PINLYP: variants seen among roughly 807,000 people sequenced by gnomAD.
PINLYP encodes the protein phospholipase A2 inhibitor and LY6/PLAUR domain containing.
In PINLYP, 12 loss-of-function variants were observed where a neutral mutation model predicts 15.8. That is an observed-to-expected ratio of 0.76 (90% confidence interval 0.49 to 1.23). The LOEUF is 1.23. Among genes scored for constraint, PINLYP ranks in the 50% most tolerant of loss-of-function variants. The pLI is 0.00. For synonymous variants in PINLYP, 93 were observed against 97.7 expected (o/e 0.95, Z 0.28); for missense variants, 278 against 264.2 (o/e 1.05, Z -0.36).
At chr19:43,581,118 T>C (rs1972925895) in intron 3 of PINLYP, 94 bp from the exon 4 acceptor site, 2 of 1,308,712 alleles carry the variant, frequency 1.5e-6, no homozygotes, top group African/African-American at 1.5e-5. Flanking sequence ...AGTTGTGGGG[T>C]TGGGGAGGCC....
chr19:43,580,495 T>C, intron 3 of PINLYP: 1 of 979,048 alleles, frequency 1.0e-6, no homozygotes, highest in Non-Finnish European at 1.2e-6. Context: ...TGGAAGAGAC[T>C]ACGGGGTGGG....
At chr19:43,581,124 A>G (rs916644405) in intron 3 of PINLYP, 88 bp from the exon 4 acceptor site, 2 of 1,338,656 alleles carry the variant, frequency 1.5e-6, no homozygotes, top group Non-Finnish European at 2.0e-6. Flanking sequence ...GGGGTTGGGG[A>G]GGCCTAGGGT....
chr19:43,581,561 A>C lies in PINLYP; in HGVS notation c.341-2A>C. On this transcript the variant is annotated splice_acceptor_variant, in intron 4 of 5. Coordinates refer to ENST00000599207, the Ensembl canonical transcript of PINLYP. LOFTEE classifies it high-confidence loss of function. ...CACCTTACACTTCATCCTCATCCTC[A>C]GTTCCCTTGACCAATCTTACTGAGA... 1 of 1,534,574 alleles carries C rather than the reference A, an allele frequency of 6.5e-7. No individual in the cohort carries two copies. Among genetic ancestry groups the C allele is most frequent in the Non-Finnish European group, 8.7e-7 (1 of 1,146,024 alleles).
chr19:43,577,391 G>A, intron 2 of PINLYP, 130 bp downstream of exon 2: 6 of 1,016,250 alleles, frequency 5.9e-6, no homozygotes, highest in Non-Finnish European at 8.2e-6. Context: ...AGGCATTCTG[G>A]AAATTCAGAT....
rs866038442 is a variant in PINLYP, at chr19:43,581,993, T to C, written c.607T>C (p.Ser203Pro). The C allele has an allele frequency of 4.6e-6, 7 of 1,535,970 alleles. No individual in the cohort carries two copies. In the African/African-American group the frequency reaches 6.9e-5, roughly 15 times the overall value. ...CCTCCATCATATAGAGTGCACTCACTCCCCCTGAAAAGCTATCTGAACAGA... is the reference window on the plus strand; with the variant it reads ...CCTCCATCATATAGAGTGCACTCACCCCCCCTGAAAAGCTATCTGAACAGA... The change falls in exon 6 of 6, where the codon TCC (serine) becomes CCC (proline). Residue 203 changes from serine (S) to proline (P), a missense_variant. Physicochemically the swap from Ser to Pro is moderately conservative, Grantham distance 74. Coordinates refer to ENST00000599207, the Ensembl canonical transcript of PINLYP.
chr19:43,578,617 C>T (rs981130512), exon 3 of PINLYP: 29 of 1,535,856 alleles, frequency 1.9e-5, no homozygotes, highest in Non-Finnish European at 2.5e-5. Context: ...GAAATATGTA[C>T]GGCGGCGGGG....
At chr19:43,576,738 C>T (rs1972869954) in exon 1 of PINLYP, 1 of 170,462 alleles carries the variant, frequency 5.9e-6, no homozygotes. Context: ...ACCCGCAGGA[C>T]CAGCCTGGAC....
intron 4 of PINLYP, 99 bp from the exon 5 acceptor site, chr19:43,581,464 A>G: frequency 6.6e-7 from 1 of 1,508,476 alleles, no homozygotes; most frequent in Non-Finnish European, 8.8e-7. Context: ...TGTAAAATGC[A>G]GTGTCTATTA....
intron 2 of PINLYP, among the ~76,000 whole-genome samples, 192 bp from the exon 3 acceptor site, chr19:43,578,398 C>A (rs2854495): frequency 0.16 from 24,569 of 152,184 alleles, 2,075 homozygotes; most frequent in Non-Finnish European, 0.19. Flanking sequence ...CTGGAAGCAG[C>A]TTTGCTGGCA....
exon 1 of PINLYP, among the ~76,000 whole-genome samples, chr19:43,576,204 C>A (rs1972860665): frequency 6.6e-6 from 1 of 152,128 alleles, no homozygotes; most frequent in Admixed American, 6.6e-5. Flanking sequence ...CAGGCGTGAG[C>A]GACTGCGCTG....
chr19:43,576,170 C>T (rs1448022072), exon 1 of PINLYP, among the ~76,000 whole-genome samples: 1 of 152,126 alleles, frequency 6.6e-6, no homozygotes, highest in Non-Finnish European at 1.5e-5. Context: ...CCACCTGCCT[C>T]GGCCTCTCAA....
intron 4 of PINLYP, 26 bp from the exon 5 acceptor site, chr19:43,581,537 A>G: frequency 6.5e-7 from 1 of 1,527,810 alleles, no homozygotes; most frequent in Non-Finnish European, 8.8e-7. Flanking sequence ...ATCCCTATTC[A>G]CCTTACACTT....
In PINLYP at chr19:43,577,109, C is replaced by T. The variant is rs1972874677; in HGVS notation, c.-77-6C>T. ...GGGTTCTGACCTCAGCTATTTCTCC[C>T]CGTAGGGTGAATGTGGGTCCAGACC... On this transcript the variant is annotated splice_polypyrimidine_tract_variant and splice_region_variant and intron_variant, in intron 1 of 5. Coordinates refer to ENST00000599207, the Ensembl canonical transcript of PINLYP. The T allele has an allele frequency of 6.5e-7, 1 of 1,535,168 alleles. No individual in the cohort carries two copies. The highest frequency in any genetic ancestry group is 2.0e-5 in the Admixed American group (1 of 50,924).
At chr19:43,576,536 A>G (rs552219517) in exon 1 of PINLYP, among the ~76,000 whole-genome samples, 3 of 152,086 alleles carry the variant, frequency 2.0e-5, no homozygotes, top group South Asian at 4.2e-4. Flanking sequence ...CAGTTTCCCA[A>G]TATGTGGACT....
Position 43,578,726 on chromosome 19 carries a change from G to C in PINLYP, c.187+20G>C. On this transcript the variant is annotated intron_variant, in intron 3 of 5. Coordinates refer to ENST00000599207, the Ensembl canonical transcript of PINLYP. ...CTTCAAGTAAGAGGATGTGGCCTGGGACCTGGTGGGGAGGTGGGGTGTACC... is the reference window on the plus strand; with the variant it reads ...CTTCAAGTAAGAGGATGTGGCCTGGCACCTGGTGGGGAGGTGGGGTGTACC... 6.6e-7 allele frequency: 1 copy of C among 1,521,822 alleles called. No homozygotes were observed. Among genetic ancestry groups the C allele is most frequent in the African/African-American group, 1.4e-5 (1 of 72,864 alleles). 94.3% of individuals were successfully genotyped at this position (1,521,822 alleles called of 1,614,324 possible).
chr19:43,581,781 T>C, intron 5 of PINLYP, 78 bp downstream of exon 5: 2 of 1,533,204 alleles, frequency 1.3e-6, no homozygotes, highest in East Asian at 4.9e-5. Context: ...AGGAGAGGGT[T>C]CCAGAGAAGT....
At chr19:43,578,935 A>G in intron 3 of PINLYP, 1 of 456,416 alleles carries the variant, frequency 2.2e-6, no homozygotes, top group Non-Finnish European at 4.1e-6. Context: ...ACTGTCCTAA[A>G]GAGAAGGAAA....
chr19:43,581,913 G>C, exon 6 of PINLYP: 1 of 1,536,698 alleles, frequency 6.5e-7, no homozygotes, highest in South Asian at 1.2e-5. Context: ...GCTACAGAGA[G>C]TATGTGCTTT....
chr19:43,580,733 A>AGTGCTTTCTT, intron 3 of PINLYP: 1 of 964,104 alleles, frequency 1.0e-6, no homozygotes, highest in Non-Finnish European at 1.2e-6. Flanking sequence ...AGCGGGAGGG[A>AGTGCTTTCTT]GGGCTACCTA....
Sources: allele counts gnomAD v4.1 joint callset (sites outside exome capture counted in the v4.1 genomes callset), GRCh38; gene constraint gnomAD v4.1.1; transcripts MANE v1.5; gene names NCBI Gene and HGNC (gene_info 2026-07-23, HGNC 2026-07-21).